Variants in GPR176 observed in about 807,000 individuals in gnomAD.
GPR176 encodes the protein G-protein coupled receptor 176.
GPR176 carries 26 observed loss-of-function variants against 35.4 expected under a neutral mutation model. The observed-to-expected ratio is 0.74, with a 90% CI of 0.54 to 1.02. The LOEUF (loss-of-function observed/expected upper bound fraction) is 1.02. Ranked by LOEUF, GPR176 falls within the 50% of genes least tolerant of loss-of-function variation. The pLI, the probability that GPR176 is intolerant of heterozygous loss-of-function variation, is 0.00. For synonymous variants in GPR176, 278 were observed against 271.3 expected, an observed-to-expected ratio of 1.02 and a Z score of -0.24; for missense variants, 597 against 665.3, an observed-to-expected ratio of 0.90 and a Z score of 1.13.
chr15:39,879,953 G>C (rs2032409807), intron 1 of GPR176, among the ~76,000 whole-genome samples: 2 of 152,144 alleles, frequency 1.3e-5, no homozygotes, highest in Admixed American at 1.3e-4. Context: ...CCCAGGCCTT[G>C]CCATTATTTA....
At chr15:39,836,851 T>C (rs544966376) in intron 1 of GPR176, among the ~76,000 whole-genome samples, 1 of 152,270 alleles carries the variant, frequency 6.6e-6, no homozygotes. Context: ...GCTTACTAAA[T>C]GTTTGTCAGT....
At chr15:39,849,557 T>G (rs928312555) in intron 1 of GPR176, among the ~76,000 whole-genome samples, 1 of 152,158 alleles carries the variant, frequency 6.6e-6, no homozygotes, top group Non-Finnish European at 1.5e-5. Context: ...CAACAATACT[T>G]TAAAATAATT....
intron 1 of GPR176, among the ~76,000 whole-genome samples, chr15:39,855,402 C>T (rs2031149729): frequency 6.6e-6 from 1 of 152,178 alleles, no homozygotes; most frequent in South Asian, 2.1e-4. Context: ...CGTCAATTCA[C>T]AGCCCACCTA....
rs1050291124 is a variant in GPR176, at chr15:39,800,060, A to G, written c.*1072T>C. Reference sequence around the variant, plus strand: ...GTTCCGGAGTCTTCCTCGGAAGGAAACCATCTTTGTCAGATTCTTGCCAAC... The same window carrying G: ...GTTCCGGAGTCTTCCTCGGAAGGAAGCCATCTTTGTCAGATTCTTGCCAAC... On this transcript the variant is annotated 3_prime_UTR_variant, in exon 3 of 3. Transcript: ENST00000561100. The G allele has an allele frequency of 6.6e-6, 1 of 152,218 alleles. No individual in the cohort carries two copies. The highest frequency in any genetic ancestry group is 2.4e-5 in the African/African-American group (1 of 41,446). 9.4% of individuals were successfully genotyped at this position (152,218 alleles called of 1,614,324 possible). A position where few individuals can be genotyped will look rare whatever the true frequency, so the allele number is the denominator to read the frequency against.
At chr15:39,843,311 A>T (rs1234416337) in intron 1 of GPR176, among the ~76,000 whole-genome samples, 1 of 152,110 alleles carries the variant, frequency 6.6e-6, no homozygotes, top group East Asian at 1.9e-4. Flanking sequence ...GATAGTACAA[A>T]ATGGCCTCAA....
chr15:39,901,684 A>G (rs2033282088), intron 1 of GPR176, among the ~76,000 whole-genome samples: 1 of 152,126 alleles, frequency 6.6e-6, no homozygotes, highest in Non-Finnish European at 1.5e-5. Flanking sequence ...CTCACCTGTC[A>G]TCTCCACGGA....
intron 1 of GPR176, among the ~76,000 whole-genome samples, chr15:39,835,143 G>A (rs568595482): frequency 1.3e-5 from 2 of 152,036 alleles, no homozygotes; most frequent in Admixed American, 6.6e-5. Context: ...TCAGCCTCCC[G>A]AGTAGCTGGG....
chr15:39,834,229 T>C (rs997784861), intron 1 of GPR176, among the ~76,000 whole-genome samples: 5 of 152,164 alleles, frequency 3.3e-5, no homozygotes, highest in Non-Finnish European at 7.4e-5. Context: ...TCTGAATATT[T>C]CCAATTTAAA....
chr15:39,900,195 G>A (rs275726), intron 1 of GPR176, among the ~76,000 whole-genome samples: 67 of 151,018 alleles, frequency 4.4e-4, no homozygotes, highest in African/African-American at 1.5e-3. Context: ...TGCTAATCTT[G>A]GCTCCTAAAT....
chr15:39,859,797 C>T (rs566776418), intron 1 of GPR176, among the ~76,000 whole-genome samples: 9 of 152,148 alleles, frequency 5.9e-5, no homozygotes, highest in Non-Finnish European at 8.8e-5. Flanking sequence ...GGGTGGTTAA[C>T]GGCGGCTGGG....
intron 1 of GPR176, chr15:39,894,568 T>C (rs2033034166): frequency 5.4e-6 from 1 of 183,728 alleles, no homozygotes; most frequent in Non-Finnish European, 1.1e-5. Flanking sequence ...GAGGTGCTCC[T>C]CACATCCCAG....
intron 1 of GPR176, among the ~76,000 whole-genome samples, chr15:39,881,042 G>C (rs2032455454): frequency 6.6e-6 from 1 of 152,070 alleles, no homozygotes. Flanking sequence ...TAACCAGCCA[G>C]TTCCATCTTG....
intron 1 of GPR176, among the ~76,000 whole-genome samples, chr15:39,815,826 T>G (rs1899863528): frequency 1.3e-5 from 2 of 151,536 alleles, no homozygotes; most frequent in Admixed American, 1.3e-4. Flanking sequence ...GAAATCAGTA[T>G]CTAAAAGAGA....
intron 1 of GPR176, among the ~76,000 whole-genome samples, chr15:39,842,479 C>T (rs1204298542): frequency 3.3e-5 from 5 of 152,078 alleles, no homozygotes; most frequent in Admixed American, 3.3e-4. Flanking sequence ...GGACACAGAG[C>T]CAAAACACAG....
intron 1 of GPR176, among the ~76,000 whole-genome samples, chr15:39,918,856 C>G (rs765835817): frequency 2.0e-5 from 3 of 152,200 alleles, no homozygotes; most frequent in Non-Finnish European, 4.4e-5. Flanking sequence ...TGTCAGTTAT[C>G]TTGGTTTCCA....
intron 1 of GPR176, among the ~76,000 whole-genome samples, chr15:39,856,083 C>T (rs1412182701): frequency 6.6e-6 from 1 of 152,156 alleles, no homozygotes; most frequent in Non-Finnish European, 1.5e-5. Context: ...GATTCCAGAA[C>T]CATGCTCAAA....
At chr15:39,856,042 T>C (rs2031193935) in intron 1 of GPR176, among the ~76,000 whole-genome samples, 1 of 152,124 alleles carries the variant, frequency 6.6e-6, no homozygotes, top group African/African-American at 2.4e-5. Context: ...AGCTAGTAAG[T>C]GAAGGAGACA....
chr15:39,870,800 C>T (rs2032015204), intron 1 of GPR176, among the ~76,000 whole-genome samples: 2 of 152,084 alleles, frequency 1.3e-5, no homozygotes, highest in South Asian at 4.1e-4. Context: ...TGTGAGAGGG[C>T]CCTCTCACTA....
At chr15:39,808,036 C>T (rs973338137) in intron 1 of GPR176, among the ~76,000 whole-genome samples, 4 of 152,158 alleles carry the variant, frequency 2.6e-5, no homozygotes, top group East Asian at 1.9e-4. Context: ...CTCCCGCTTC[C>T]GCCAGTCCTT....
Sources: gnomAD v4.1 joint callset for allele counts (sites outside exome capture counted in the v4.1 genomes callset) on GRCh38, gnomAD v4.1.1 for gene constraint, MANE v1.5 for transcripts, NCBI Gene and HGNC (gene_info 2026-07-23, HGNC 2026-07-21) for gene names.